Variants in CDH18 observed in about 807,000 individuals in gnomAD.
CDH18 encodes cadherin 18.
Under a neutral mutation model 67.9 loss-of-function variants are expected in CDH18, and 31 were observed. The ratio of observed to expected loss-of-function variants is 0.46; its 90% CI spans 0.34 to 0.62. The LOEUF (loss-of-function observed/expected upper bound fraction) is 0.62, where lower values mean the gene tolerates loss of function less well. Ranked by LOEUF, CDH18 falls within the 20% of genes least tolerant of loss-of-function variation. CDH18 has a pLI of 0.01. For missense variants in CDH18, 890 were observed against 975.5 expected (o/e 0.91, Z 1.17); for synonymous variants, 362 against 347.2 (o/e 1.04, Z -0.48).
intron 2 of CDH18, among the ~76,000 whole-genome samples, chr5:19,932,541 T>C (rs2150203361): frequency 6.6e-6 from 1 of 151,698 alleles, no homozygotes; most frequent in East Asian, 1.9e-4. Context: ...GTCTTAACAA[T>C]AATTACAATC....
chr5:19,597,615 AC>A (rs963796557), intron 6 of CDH18, among the ~76,000 whole-genome samples: 12 of 152,174 alleles, frequency 7.9e-5, no homozygotes, highest in African/African-American at 2.4e-4. Flanking sequence ...AGAAAAAAAA[AC>A]AAATAAAAAA....
At chr5:19,846,624 T>C (rs1782984735) in intron 2 of CDH18, among the ~76,000 whole-genome samples, 1 of 152,160 alleles carries the variant, frequency 6.6e-6, no homozygotes, top group Admixed American at 6.6e-5. Flanking sequence ...ATCTTTCATA[T>C]ATGTGGGTTC....
intron 2 of CDH18, among the ~76,000 whole-genome samples, chr5:20,162,670 G>A (rs1160144891): frequency 6.6e-6 from 1 of 151,116 alleles, no homozygotes; most frequent in Admixed American, 6.6e-5. Context: ...ACACTTGTCA[G>A]CGCTATGCTT....
intron 5 of CDH18, among the ~76,000 whole-genome samples, chr5:19,621,916 T>C (rs1171936981): frequency 6.6e-6 from 1 of 152,222 alleles, no homozygotes; most frequent in Admixed American, 6.5e-5. Context: ...TTTGTGCTCT[T>C]AGTCACATCC....
intron 5 of CDH18, among the ~76,000 whole-genome samples, chr5:19,689,327 T>C (rs1021337140): frequency 3.9e-5 from 6 of 151,998 alleles, no homozygotes; most frequent in African/African-American, 1.4e-4. Context: ...GGCACTGGAT[T>C]TCTCAGAATA....
intron 1 of CDH18, among the ~76,000 whole-genome samples, chr5:20,515,154 C>T (rs1328279701): frequency 6.6e-6 from 1 of 151,642 alleles, no homozygotes; most frequent in Non-Finnish European, 1.5e-5. Flanking sequence ...TCAAAAAGAC[C>T]TGATGAACTG....
intron 2 of CDH18, among the ~76,000 whole-genome samples, chr5:19,967,190 G>A (rs1263717808): frequency 6.6e-6 from 1 of 151,948 alleles, no homozygotes; most frequent in African/African-American, 2.4e-5. Context: ...CGATATTGAT[G>A]TGATAGTTAC....
chr5:19,507,658 A>T (rs1291246009), intron 10 of CDH18, among the ~76,000 whole-genome samples: 1 of 152,094 alleles, frequency 6.6e-6, no homozygotes, highest in Non-Finnish European at 1.5e-5. Flanking sequence ...CGCAAGGACA[A>T]AAAACCAAAC....
At chr5:19,967,788 G>T (rs542719399) in intron 2 of CDH18, among the ~76,000 whole-genome samples, 2 of 152,200 alleles carry the variant, frequency 1.3e-5, no homozygotes, top group Admixed American at 1.3e-4. Flanking sequence ...CACAAGACAG[G>T]GATGCCCTCT....
chr5:20,291,525 G>A (rs965499970), intron 1 of CDH18, among the ~76,000 whole-genome samples: 4 of 152,276 alleles, frequency 2.6e-5, no homozygotes, highest in South Asian at 4.1e-4. Context: ...CAGTTCAGCA[G>A]AGCAGTGGAA....
Position 19,473,329 on chromosome 5 carries a change from G to T in CDH18, c.2270C>A (p.Thr757Lys). ...AGSISSLDSA[T>K]TQSDQDYHYL... ...GTGATAATCCTGGTCTGATTGTGTCGTTGCTGAATCCAGCGAGCTGATAGA... is the reference window on the plus strand; with the variant it reads ...GTGATAATCCTGGTCTGATTGTGTCTTTGCTGAATCCAGCGAGCTGATAGA... The change falls in exon 13 of 13, where the codon ACG (threonine) becomes AAG (lysine). Residue 757 changes from threonine to lysine, a missense_variant. Around this residue, in one of 2 missense-constraint regions of CDH18, gnomAD observed 656 missense variants for 668.1 expected, o/e 0.98. Coordinates refer to ENST00000382275, the MANE Select transcript of CDH18 (RefSeq NM_004934.5). 6.2e-7 allele frequency: 1 copy of T among 1,613,788 alleles called. No homozygotes were observed. The highest frequency in any genetic ancestry group is 8.5e-7 in the Non-Finnish European group (1 of 1,179,868).
At chr5:19,873,204 GAA>G (rs5866404) in intron 2 of CDH18, among the ~76,000 whole-genome samples, 2 of 133,766 alleles carry the variant, frequency 1.5e-5, no homozygotes, top group Admixed American at 7.6e-5. Flanking sequence ...TATCTTCTGA[GAA>G]AAAAAAAAAA....
At chr5:20,004,854 G>C (rs1211513267) in intron 2 of CDH18, among the ~76,000 whole-genome samples, 3 of 152,016 alleles carry the variant, frequency 2.0e-5, no homozygotes, top group Non-Finnish European at 4.4e-5. Context: ...CTATCTACAA[G>C]GAGTTCCAAA....
chr5:19,760,436 T>C (rs1162092286), intron 3 of CDH18, among the ~76,000 whole-genome samples: 3 of 152,172 alleles, frequency 2.0e-5, no homozygotes, highest in Non-Finnish European at 4.4e-5. Flanking sequence ...AGATCAGGCA[T>C]TTCCAGCTTG....
At chr5:20,090,771 A>G (rs548004105) in intron 2 of CDH18, among the ~76,000 whole-genome samples, 1 of 152,184 alleles carries the variant, frequency 6.6e-6, no homozygotes, top group Non-Finnish European at 1.5e-5. Flanking sequence ...GACTCACACC[A>G]GTAATCCCAA....
At chr5:20,138,366 T>C (rs1749931732) in intron 2 of CDH18, among the ~76,000 whole-genome samples, 1 of 152,110 alleles carries the variant, frequency 6.6e-6, no homozygotes, top group Non-Finnish European at 1.5e-5. Flanking sequence ...TCATACTGAA[T>C]GGGCAAAAAC....
At chr5:19,637,978 C>CT (rs1753411549) in intron 5 of CDH18, among the ~76,000 whole-genome samples, 1 of 152,094 alleles carries the variant, frequency 6.6e-6, no homozygotes. Flanking sequence ...CTCTATAATT[C>CT]TTTTTGTATT....
At chr5:19,744,596 T>G (rs1433567422) in intron 4 of CDH18, among the ~76,000 whole-genome samples, 1 of 152,062 alleles carries the variant, frequency 6.6e-6, no homozygotes, top group Non-Finnish European at 1.5e-5. Flanking sequence ...TTTCCTTGAC[T>G]TTTAGATCTC....
chr5:20,566,179 CA>C (rs1298044425), intron 1 of CDH18, among the ~76,000 whole-genome samples: 2 of 151,956 alleles, frequency 1.3e-5, no homozygotes, highest in East Asian at 3.9e-4. Flanking sequence ...GCAAGTACCT[CA>C]GGTGATTTAC....
Sources: allele counts gnomAD v4.1 joint callset (sites outside exome capture counted in the v4.1 genomes callset), GRCh38; gene constraint gnomAD v4.1.1; regional missense constraint gnomAD v4.1.1; transcripts MANE v1.5; gene names NCBI Gene and HGNC (gene_info 2026-07-23, HGNC 2026-07-21).